PLCB1: variants seen among roughly 807,000 people sequenced by gnomAD.
PLCB1 encodes the protein phospholipase C beta 1.
PLCB1 carries 46 observed loss-of-function variants against 161.8 expected under a neutral mutation model. That is an observed-to-expected ratio of 0.28 (90% CI 0.22 to 0.36). The LOEUF (loss-of-function observed/expected upper bound fraction) is 0.36, where lower values mean the gene tolerates loss of function less well. Ranked by LOEUF, PLCB1 falls within the 10% of genes least tolerant of loss-of-function variation. PLCB1 has a pLI of 1.00. For synonymous variants in PLCB1, 517 were observed against 503.7 expected, an observed-to-expected ratio of 1.03 and a Z score of -0.35; for missense variants, 1,016 against 1,472.5, an observed-to-expected ratio of 0.69 and a Z score of 5.07.
chr20:8,678,282 A>G (rs1479689580), intron 9 of PLCB1, among the ~76,000 whole-genome samples: 1 of 152,258 alleles, frequency 6.6e-6, no homozygotes, highest in East Asian at 1.9e-4. Flanking sequence ...TAACTAAATT[A>G]TAGTATTACT....
chr20:8,336,106 G>T (rs1230773013), intron 2 of PLCB1, among the ~76,000 whole-genome samples: 3 of 152,156 alleles, frequency 2.0e-5, no homozygotes, highest in African/African-American at 7.2e-5. Flanking sequence ...CTCTGAGGAA[G>T]AATTCCTAAA....
chr20:8,310,315 A>G (rs1382606211), intron 2 of PLCB1, among the ~76,000 whole-genome samples: 4 of 152,222 alleles, frequency 2.6e-5, no homozygotes, highest in South Asian at 2.1e-4. Flanking sequence ...AATTTCACCA[A>G]TGAATACTAC....
At chr20:8,504,261 A>G (rs1444775035) in intron 3 of PLCB1, among the ~76,000 whole-genome samples, 2 of 152,136 alleles carry the variant, frequency 1.3e-5, no homozygotes, top group Non-Finnish European at 2.9e-5. Context: ...GAAAAAGCAT[A>G]TGACGAATCA....
chr20:8,628,153 A>G, intron 3 of PLCB1, 141 bp from the exon 4 acceptor site: 1 of 659,478 alleles, frequency 1.5e-6, no homozygotes. Flanking sequence ...GTGGAATGGG[A>G]GCCTTAAACT....
At chr20:8,155,646 A>G (rs1398963959) in intron 2 of PLCB1, among the ~76,000 whole-genome samples, 1 of 152,166 alleles carries the variant, frequency 6.6e-6, no homozygotes, top group Non-Finnish European at 1.5e-5. Context: ...CATTTCATTA[A>G]TGATTTTTAG....
At chr20:8,315,523 T>C (rs1984605130) in intron 2 of PLCB1, among the ~76,000 whole-genome samples, 1 of 152,180 alleles carries the variant, frequency 6.6e-6, no homozygotes, top group African/African-American at 2.4e-5. Flanking sequence ...TCAAAAGATC[T>C]GGAAGTGTAA....
At chr20:8,628,168 C>A in intron 3 of PLCB1, 126 bp from the exon 4 acceptor site, 1 of 754,932 alleles carries the variant, frequency 1.3e-6, no homozygotes, top group Non-Finnish European at 2.2e-6. Context: ...TAAACTCCTA[C>A]AATTTTCTAG....
At chr20:8,300,188 C>T (rs747956983) in intron 2 of PLCB1, among the ~76,000 whole-genome samples, 10 of 152,026 alleles carry the variant, frequency 6.6e-5, no homozygotes, top group African/African-American at 1.7e-4. Flanking sequence ...GGAATGTTCT[C>T]GTGGGAATGA....
At chr20:8,269,286 C>T (rs959688024) in intron 2 of PLCB1, among the ~76,000 whole-genome samples, 1 of 152,010 alleles carries the variant, frequency 6.6e-6, no homozygotes, top group Non-Finnish European at 1.5e-5. Context: ...TCCCTGTGTC[C>T]ATGTGTTCTC....
chr20:8,669,309 A>G (rs554504062), intron 9 of PLCB1, among the ~76,000 whole-genome samples: 6 of 152,286 alleles, frequency 3.9e-5, no homozygotes, highest in African/African-American at 1.4e-4. Flanking sequence ...TTTACCTGCA[A>G]ATTGCCATGG....
intron 31 of PLCB1, among the ~76,000 whole-genome samples, chr20:8,880,162 G>A (rs1340658552): frequency 6.6e-6 from 1 of 152,184 alleles, no homozygotes; most frequent in African/African-American, 2.4e-5. Context: ...TAATAAGGAG[G>A]TGTGGGGGAA....
At chr20:8,673,548 TAC>T (rs1181243668) in intron 9 of PLCB1, among the ~76,000 whole-genome samples, 1 of 152,208 alleles carries the variant, frequency 6.6e-6, no homozygotes, top group African/African-American at 2.4e-5. Flanking sequence ...GACTTCAGGG[TAC>T]CGTTAGTCAG....
chr20:8,269,349 C>G (rs936955258), intron 2 of PLCB1, among the ~76,000 whole-genome samples: 1 of 151,910 alleles, frequency 6.6e-6, no homozygotes, highest in Non-Finnish European at 1.5e-5. Flanking sequence ...GTTTTTCGTT[C>G]TTGTGTTAGT....
chr20:8,437,835 G>T (rs1387339475), intron 3 of PLCB1, among the ~76,000 whole-genome samples: 1 of 152,020 alleles, frequency 6.6e-6, no homozygotes, highest in Non-Finnish European at 1.5e-5. Context: ...AGATATGAGG[G>T]GAAATCCTTG....
chr20:8,367,128 C>A lies in PLCB1; in HGVS notation c.178-4254C>A, dbSNP rs148854372. On this transcript the variant is annotated intron_variant, in intron 2 of 31. Coordinates refer to ENST00000338037, the MANE Select transcript of PLCB1 (RefSeq NM_015192.4). The stretch of plus-strand genomic sequence containing the variant: ...ATTCAATAGTTTTTTCTTCAGCTAA[C>A]TCTCACCACTAGGCACACTTTTACA... Among the ~76,000 whole-genome samples, 982 of 152,250 alleles carry A rather than the reference C, an allele frequency of 6.4e-3. 8 individuals carry two copies. The highest frequency in any genetic ancestry group is 0.021 in the African/African-American group (881 of 41,552).
At chr20:8,820,966 AT>A (rs1437845491) in intron 31 of PLCB1, among the ~76,000 whole-genome samples, 2 of 152,148 alleles carry the variant, frequency 1.3e-5, no homozygotes, top group African/African-American at 4.8e-5. Flanking sequence ...ATACCAATCA[AT>A]TTTTTAAAGT....
At position 8,295,106 on chromosome 20, in the gene PLCB1, A is replaced by G. The variant is rs549889027; in HGVS notation, c.178-76276A>G. ...GATAATACCTGTTGGATAAAACTAT[A>G]CAATGAAACAGGACTACATTTAACA... On this transcript the variant is annotated intron_variant, in intron 2 of 31. Coordinates refer to ENST00000338037, the MANE Select transcript of PLCB1 (RefSeq NM_015192.4). 1.1e-4 allele frequency among the ~76,000 whole-genome samples: 16 copies of G among 152,304 alleles called. 1 individual carries two copies. The South Asian group carries it at 1.9e-3, about 18-fold the overall frequency.
At chr20:8,148,201 T>C (rs1434512722) in intron 1 of PLCB1, among the ~76,000 whole-genome samples, 1 of 152,226 alleles carries the variant, frequency 6.6e-6, no homozygotes, top group Non-Finnish European at 1.5e-5. Flanking sequence ...AAAACTTTTA[T>C]TTTGGCAACT....
chr20:8,224,869 T>C (rs2123170209), intron 2 of PLCB1, among the ~76,000 whole-genome samples: 1 of 152,312 alleles, frequency 6.6e-6, no homozygotes, highest in East Asian at 1.9e-4. Context: ...GTTTTGAACT[T>C]CATATACACG....
Sources: allele counts gnomAD v4.1 joint callset (sites outside exome capture counted in the v4.1 genomes callset), GRCh38; gene constraint gnomAD v4.1.1; transcripts MANE v1.5; gene names NCBI Gene and HGNC (gene_info 2026-07-23, HGNC 2026-07-21).